ZBTB44: variants seen among roughly 807,000 people sequenced by gnomAD.
ZBTB44 encodes the protein zinc finger and BTB domain containing 44, also known as zinc finger and BTB domain-containing protein 44.
Under a neutral mutation model 54.0 loss-of-function variants are expected in ZBTB44, and 15 were observed. The observed-to-expected ratio is 0.28, with a 90% confidence interval of 0.19 to 0.43. The LOEUF is 0.43. ZBTB44 is among the 20% of genes least tolerant of loss of function. The pLI, the probability that ZBTB44 is intolerant of heterozygous loss-of-function variation, is 1.00. For synonymous variants in ZBTB44, 230 were observed against 250.1 expected (o/e 0.92, Z 0.76); for missense variants, 487 against 707.1 (o/e 0.69, Z 3.53).
intron 1 of ZBTB44, among the ~76,000 whole-genome samples, chr11:130,274,054 C>T (rs1939874862): frequency 6.6e-6 from 1 of 151,882 alleles, no homozygotes; most frequent in Non-Finnish European, 1.5e-5. Flanking sequence ...CACCACTGCA[C>T]TCCAATCTGA....
intron 2 of ZBTB44, among the ~76,000 whole-genome samples, chr11:130,247,967 C>G (rs1937663193): frequency 6.6e-6 from 1 of 152,182 alleles, no homozygotes; most frequent in Admixed American, 6.5e-5. Flanking sequence ...CTGAATTTTA[C>G]AACCTTTCCA....
chr11:130,239,913 G>T lies in ZBTB44; in HGVS notation c.1019-17C>A. ...CTACTGAGCCTGTGAATAAGAGAAAGAGGACCACTGTAATCCTTTGGTGTG... is the reference window on the plus strand; with the variant it reads ...CTACTGAGCCTGTGAATAAGAGAAATAGGACCACTGTAATCCTTTGGTGTG... On this transcript the variant is annotated splice_polypyrimidine_tract_variant and intron_variant, in intron 2 of 7. Coordinates refer to ENST00000357899, the MANE Select transcript of ZBTB44 (RefSeq NM_001301098.2). 1.3e-6 allele frequency: 2 copies of T among 1,590,686 alleles called. No individual in the cohort carries two copies. Among genetic ancestry groups the T allele is most frequent in the South Asian group, 2.3e-5 (2 of 88,650 alleles).
At chr11:130,313,973 T>TTTTTTTA (rs1565346826) in intron 1 of ZBTB44, among the ~76,000 whole-genome samples, 2 of 151,300 alleles carry the variant, frequency 1.3e-5, no homozygotes, top group African/African-American at 4.9e-5. Flanking sequence ...TATATTTTTT[T>TTTTTTTA]AAAGAAGTGC....
At chr11:130,234,005 T>C (rs1440848056) in intron 6 of ZBTB44, 151 bp downstream of exon 6, 28 of 1,512,066 alleles carry the variant, frequency 1.9e-5, no homozygotes, top group South Asian at 7.2e-5. Context: ...TCAATAGTTA[T>C]AGAAGACAGC....
chr11:130,256,307 G>A (rs112032763), intron 2 of ZBTB44, among the ~76,000 whole-genome samples: 1,842 of 152,228 alleles, frequency 0.012, 41 homozygotes, highest in African/African-American at 0.042. Context: ...ATCAATAAAC[G>A]TAATCCATCA....
chr11:130,286,586 A>AT (rs1228045331), intron 1 of ZBTB44, among the ~76,000 whole-genome samples: 1 of 152,230 alleles, frequency 6.6e-6, no homozygotes. Flanking sequence ...ACTAAGCATT[A>AT]ATTAAAAGAA....
At chr11:130,241,972 T>G (rs902732283) in intron 2 of ZBTB44, among the ~76,000 whole-genome samples, 6 of 152,240 alleles carry the variant, frequency 3.9e-5, no homozygotes, top group African/African-American at 1.4e-4. Flanking sequence ...GTCCTTGTAT[T>G]AATGCCAATC....
chr11:130,239,923 G>A (rs1591930445), intron 2 of ZBTB44, 27 bp from the exon 3 acceptor site: 1 of 1,560,312 alleles, frequency 6.4e-7, no homozygotes. Flanking sequence ...GAGGACCACT[G>A]TAATCCTTTG....
intron 2 of ZBTB44, among the ~76,000 whole-genome samples, chr11:130,243,809 T>G: frequency 6.6e-6 from 1 of 152,168 alleles, no homozygotes; most frequent in Non-Finnish European, 1.5e-5. Context: ...TATATCAGAG[T>G]TGTGTTGCTC....
intron 1 of ZBTB44, chr11:130,295,663 A>C (rs187171913): frequency 7.9e-7 from 1 of 1,261,116 alleles, no homozygotes; most frequent in Admixed American, 1.9e-5. Context: ...AACATGACTG[A>C]AATTCAGCAT....
intron 1 of ZBTB44, among the ~76,000 whole-genome samples, chr11:130,307,867 A>G: frequency 6.6e-6 from 1 of 152,188 alleles, no homozygotes; most frequent in East Asian, 1.9e-4. Context: ...CTGTGACTAC[A>G]GGTGCATGCC....
chr11:130,228,613 T>G lies in ZBTB44; in HGVS notation c.*3151A>C, dbSNP rs1953766983. On this transcript the variant is annotated 3_prime_UTR_variant, in exon 8 of 8. Coordinates refer to ENST00000357899, the MANE Select transcript of ZBTB44 (RefSeq NM_001301098.2). ...GGGAAACGTGCATTAAGAGGAGAGA[T>G]GACAGGGCTCCCTTAAAGCAGGAAG... The G allele has an allele frequency of 6.6e-6, 1 of 152,194 alleles. No individual in the cohort carries two copies. The highest frequency in any genetic ancestry group is 1.5e-5 in the Non-Finnish European group (1 of 68,024). 9.4% of individuals were successfully genotyped at this position (152,194 alleles called of 1,614,324 possible).
intron 1 of ZBTB44, among the ~76,000 whole-genome samples, chr11:130,263,863 C>T (rs1939057148): frequency 6.6e-6 from 1 of 152,184 alleles, no homozygotes; most frequent in Admixed American, 6.5e-5. Flanking sequence ...GGCTTCAAGG[C>T]ATGCTGATCC....
chr11:130,276,442 CTT>C lies in ZBTB44; in HGVS notation c.-56-14515_-56-14514del, dbSNP rs1167976092. On this transcript the variant is annotated intron_variant, in intron 1 of 7. Transcript: ENST00000357899. ...TTTTCTATACGTTTCTTTTTTTTTTCTTTTTTTTTTGAGACAGAGTCTTGCTG... is the reference window on the plus strand; with the variant it reads ...TTTTCTATACGTTTCTTTTTTTTTTCTTTTTTTTGAGACAGAGTCTTGCTG... 3.1e-3 allele frequency among the ~76,000 whole-genome samples: 423 copies of C among 138,606 alleles called. 1 individual carries two copies. The highest frequency in any genetic ancestry group is 4.6e-3 in the Non-Finnish European group (297 of 63,878). The allele number at this position is 138,606 out of a possible 152,430, so 90.9% of individuals were successfully genotyped here.
At chr11:130,268,889 A>AAGAG (rs201442481) in intron 1 of ZBTB44, among the ~76,000 whole-genome samples, 6 of 150,534 alleles carry the variant, frequency 4.0e-5, no homozygotes, top group Admixed American at 3.3e-4. Flanking sequence ...CTCAAATTTT[A>AAGAG]AGAGAGAGAG....
intron 1 of ZBTB44, chr11:130,296,811 T>C (rs950750413): frequency 4.0e-6 from 3 of 751,234 alleles, no homozygotes; most frequent in Non-Finnish European, 7.4e-6. Flanking sequence ...CATATGAGGT[T>C]ATGATTCCCA....
chr11:130,296,435 A>G, intron 1 of ZBTB44: 2 of 1,322,708 alleles, frequency 1.5e-6, no homozygotes, highest in South Asian at 1.4e-5. Context: ...AGCAAAATAA[A>G]TGTACGACCA....
rs1208635681 is a variant in ZBTB44, at chr11:130,293,738, G to A, written c.-57+20637C>T. The stretch of plus-strand genomic sequence containing the variant: ...TTGAACCTGGGAGGCGGAGGTTGCC[G>A]TGGGCCAAGACTGCACCATTGCACT... On this transcript the variant is annotated intron_variant, in intron 1 of 7. Coordinates refer to ENST00000357899, the MANE Select transcript of ZBTB44 (RefSeq NM_001301098.2). Among the ~76,000 whole-genome samples the A allele has an allele frequency of 2.0e-5, 3 of 151,982 alleles. No individual in the cohort carries two copies. In the East Asian group the frequency reaches 5.8e-4, roughly 29 times the overall value.
intron 2 of ZBTB44, among the ~76,000 whole-genome samples, chr11:130,247,708 T>C (rs1937639636): frequency 6.6e-6 from 1 of 152,164 alleles, no homozygotes; most frequent in Non-Finnish European, 1.5e-5. Flanking sequence ...ACAGATGAAC[T>C]GTGAAAACAT....
Sources: gnomAD v4.1 joint callset for allele counts (sites outside exome capture counted in the v4.1 genomes callset) on GRCh38, gnomAD v4.1.1 for gene constraint, MANE v1.5 for transcripts, NCBI Gene and HGNC (gene_info 2026-07-23, HGNC 2026-07-21) for gene names.